The following GALNT18 variants were observed in gnomAD, a reference collection of about 807,000 sequenced individuals.
GALNT18 encodes the protein GalNAc-transferase 18.
GALNT18 carries 44 observed loss-of-function variants against 69.5 expected under a neutral mutation model. The ratio of observed to expected loss-of-function variants is 0.63; its 90% CI spans 0.50 to 0.81. The LOEUF (loss-of-function observed/expected upper bound fraction) is 0.81. GALNT18 is among the 40% of genes least tolerant of loss of function. GALNT18 has a pLI of 0.00. For missense variants in GALNT18, 715 were observed against 810.0 expected (o/e 0.88, Z 1.42); for synonymous variants, 364 against 318.2 (o/e 1.14, Z -1.53).
chr11:11,366,367 G>T (rs1034365450), intron 6 of GALNT18, among the ~76,000 whole-genome samples: 1 of 152,130 alleles, frequency 6.6e-6, no homozygotes, highest in East Asian at 1.9e-4. Context: ...TAAAATGTGT[G>T]GTAGTATTTT....
At chr11:11,514,676 C>A (rs1277528216) in intron 1 of GALNT18, among the ~76,000 whole-genome samples, 1 of 152,218 alleles carries the variant, frequency 6.6e-6, no homozygotes, top group East Asian at 1.9e-4. Flanking sequence ...GGCCTGCCAG[C>A]TGACCTGTGC....
chr11:11,583,513 A>G lies in GALNT18; in HGVS notation c.235+37846T>C, dbSNP rs1565026487. The stretch of plus-strand genomic sequence containing the variant: ...CTGTTTCTGGCTGGAAAGTGCACGA[A>G]AGCTGAGTTTAATCAATAAATAAGA... On this transcript the variant is annotated intron_variant, in intron 1 of 10. Transcript: ENST00000227756. The surrounding 1 kb of genome is among the most constrained non-coding windows in gnomAD (Gnocchi z 4.7). 6.6e-6 allele frequency among the ~76,000 whole-genome samples: 1 copy of G among 152,200 alleles called. No homozygotes were observed. The highest frequency in any genetic ancestry group is 1.5e-5 in the Non-Finnish European group (1 of 68,034).
rs1850541970 is a variant in GALNT18 at position 11,356,978 on chromosome 11, G to A, written c.1092+15537C>T. ...AAGAGTCACTCCACGGCTGGCTGGT[G>A]TGCTAGGGGATAACACGCAATAGCC... is the stretch of plus-strand genomic sequence containing the variant. On this transcript the variant is annotated intron_variant, in intron 6 of 10. Transcript: ENST00000227756. This position sits in a 1 kb window ranked among gnomAD's most constrained non-coding sequence, Gnocchi z 4.4. Among the ~76,000 whole-genome samples the A allele has an allele frequency of 6.6e-6, 1 of 152,180 alleles. No homozygotes were observed. Among genetic ancestry groups the A allele is most frequent in the Non-Finnish European group, 1.5e-5 (1 of 68,036 alleles).
chr11:11,422,889 A>G, intron 3 of GALNT18, among the ~76,000 whole-genome samples: 1 of 152,152 alleles, frequency 6.6e-6, no homozygotes, highest in South Asian at 2.1e-4. Context: ...AATGATTCAC[A>G]GTTGTGCAAT....
rs899207956 is a variant in GALNT18 at position 11,415,967 on chromosome 11, G to A, written c.595+16654C>T. ...AACAGCAACCTTGAATGTTCTTTTC[G>A]GAGAAAATAAAATCACTTCAGCCTC... On this transcript the variant is annotated intron_variant, in intron 3 of 10. Coordinates refer to ENST00000227756, the MANE Select transcript of GALNT18 (RefSeq NM_198516.3). The surrounding 1 kb of genome is among the most constrained non-coding windows in gnomAD (Gnocchi z 4.1). Among the ~76,000 whole-genome samples the A allele has an allele frequency of 1.3e-5, 2 of 152,190 alleles. No individual in the cohort carries two copies. The highest frequency in any genetic ancestry group is 2.9e-5 in the Non-Finnish European group (2 of 68,038).
At chr11:11,428,697 T>G (rs1197147402) in intron 3 of GALNT18, among the ~76,000 whole-genome samples, 1 of 152,244 alleles carries the variant, frequency 6.6e-6, no homozygotes, top group East Asian at 1.9e-4. Flanking sequence ...GGGCCCTGAA[T>G]TTCTTTAAAG....
In GALNT18 at chr11:11,337,379, A is replaced by G. The variant is rs1048108611; in HGVS notation, c.1278+3440T>C. On this transcript the variant is annotated intron_variant, in intron 7 of 10. Coordinates refer to ENST00000227756, the MANE Select transcript of GALNT18 (RefSeq NM_198516.3). The surrounding 1 kb of genome is among the most constrained non-coding windows in gnomAD (Gnocchi z 4.9). ...TCTGTCCTCAGAGAGCCCATGGTGT[A>G]TTGTGGTGGTTCTCAGTGGTTCTGA... Among the ~76,000 whole-genome samples, 2 of 152,152 alleles carry G rather than the reference A, an allele frequency of 1.3e-5. No homozygotes were observed. Among genetic ancestry groups the G allele is most frequent in the African/African-American group, 4.8e-5 (2 of 41,432 alleles).
rs1850162030 is a variant in GALNT18, at chr11:11,339,288, C to G, written c.1278+1531G>C. ...CACCTTGAGGAGTCGCAGACAGACA[C>G]TGAATTTCATCATTTTTCAATTATT... On this transcript the variant is annotated intron_variant, in intron 7 of 10. Coordinates refer to ENST00000227756, the MANE Select transcript of GALNT18 (RefSeq NM_198516.3). The surrounding 1 kb of genome is among the most constrained non-coding windows in gnomAD (Gnocchi z 5.2). Among the ~76,000 whole-genome samples, 1 of 152,148 alleles carries G rather than the reference C, an allele frequency of 6.6e-6. No homozygotes were observed. Among genetic ancestry groups the G allele is most frequent in the Admixed American group, 6.5e-5 (1 of 15,278 alleles).
At chr11:11,445,965 G>A (rs1284685327) in intron 2 of GALNT18, among the ~76,000 whole-genome samples, 1 of 152,168 alleles carries the variant, frequency 6.6e-6, no homozygotes, top group Admixed American at 6.5e-5. Context: ...TCCCACAGGT[G>A]AGAGTGGGTG....
intron 3 of GALNT18, among the ~76,000 whole-genome samples, chr11:11,384,527 G>A (rs1482333868): frequency 1.3e-5 from 2 of 152,110 alleles, no homozygotes; most frequent in Non-Finnish European, 2.9e-5. Context: ...ACTCACCTCT[G>A]AAAAGGCCAC....
chr11:11,486,604 C>T (rs991265945), intron 1 of GALNT18, among the ~76,000 whole-genome samples: 10 of 152,258 alleles, frequency 6.6e-5, no homozygotes, highest in African/African-American at 2.4e-4. Flanking sequence ...TACATCCATA[C>T]TGACATTTAA....
At chr11:11,585,812 T>G (rs1859206098) in intron 1 of GALNT18, among the ~76,000 whole-genome samples, 2 of 151,082 alleles carry the variant, frequency 1.3e-5, no homozygotes, top group Non-Finnish European at 3.0e-5. Flanking sequence ...TTTTTTTTTT[T>G]TTTTTTTTTT....
At chr11:11,326,598 A>T (rs1849924069) in intron 9 of GALNT18, among the ~76,000 whole-genome samples, 1 of 152,188 alleles carries the variant, frequency 6.6e-6, no homozygotes. Context: ...AGAAGGTCAG[A>T]AGAAGAGCTG....
At position 11,332,937 on chromosome 11, in the gene GALNT18, TG is replaced by T. The variant is rs2133049526; in HGVS notation, c.1279-107del. On this transcript the variant is annotated intron_variant, in intron 7 of 10. Transcript: ENST00000227756. This position sits in a 1 kb window ranked among gnomAD's most constrained non-coding sequence, Gnocchi z 4.3. ...TGCCCCCAACAAGATTCCTAGAGAC[TG>T]GGGAAGGGACCATGTGGCACGTTAA... 7.9e-7 allele frequency: 1 copy of T among 1,261,842 alleles called. No individual in the cohort carries two copies. The highest frequency in any genetic ancestry group is 1.1e-6 in the Non-Finnish European group (1 of 887,120). 78.2% of individuals were successfully genotyped at this position (1,261,842 alleles called of 1,614,324 possible). A position where few individuals can be genotyped will look rare whatever the true frequency, so the allele number is the denominator to read the frequency against.
rs565141815 is a variant in GALNT18, at chr11:11,435,840, G to A, written c.429-3053C>T. Reference sequence around the variant, plus strand: ...GTTCTCCCATCCTCCCTCCTCTTGCGTGAATGGCCCCAATTCCTCACATTC... The same window carrying A: ...GTTCTCCCATCCTCCCTCCTCTTGCATGAATGGCCCCAATTCCTCACATTC... On this transcript the variant is annotated intron_variant, in intron 2 of 10. Coordinates refer to ENST00000227756, the MANE Select transcript of GALNT18 (RefSeq NM_198516.3). The surrounding 1 kb of genome is among the most constrained non-coding windows in gnomAD (Gnocchi z 4.4). 3.8e-4 allele frequency among the ~76,000 whole-genome samples: 58 copies of A among 152,208 alleles called. No individual in the cohort carries two copies. Among genetic ancestry groups the A allele is most frequent in the African/African-American group, 1.3e-3 (55 of 41,508 alleles).
At chr11:11,329,163 G>C (rs1027806537) in intron 8 of GALNT18, among the ~76,000 whole-genome samples, 2 of 152,130 alleles carry the variant, frequency 1.3e-5, no homozygotes, top group Non-Finnish European at 2.9e-5. Context: ...GCTGTTATGA[G>C]GATTAAGTGA....
At position 11,300,624 on chromosome 11, in the gene GALNT18, C is replaced by T. The variant is rs1003755803; in HGVS notation, c.1513-7431G>A. Among the ~76,000 whole-genome samples the T allele has an allele frequency of 3.9e-5, 6 of 152,088 alleles. No homozygotes were observed. The South Asian group carries it at 6.2e-4, about 16-fold the overall frequency. ...ATAATGGGGTGATTGCAAACTTTTACGATTGGACGGTTGGCAAAGGTCATT... is the reference window on the plus strand; with the variant it reads ...ATAATGGGGTGATTGCAAACTTTTATGATTGGACGGTTGGCAAAGGTCATT... On this transcript the variant is annotated intron_variant, in intron 9 of 10. Transcript: ENST00000227756.
rs79993657 is a variant in GALNT18, at chr11:11,506,633, T to C, written c.236-57697A>G. On this transcript the variant is annotated intron_variant, in intron 1 of 10. Coordinates refer to ENST00000227756, the MANE Select transcript of GALNT18 (RefSeq NM_198516.3). ...CTATTTTCTGGTAGAAAGTGGGGTA[T>C]TTGTCTTAGGTTAATTTTAAAAGGA... Among the ~76,000 whole-genome samples the C allele has an allele frequency of 4.0e-3, 605 of 152,316 alleles. 6 individuals carry two copies. The highest frequency in any genetic ancestry group is 0.014 in the African/African-American group (580 of 41,564).
At chr11:11,352,866 A>G in intron 6 of GALNT18, 1 of 1,614,178 alleles carries the variant, frequency 6.2e-7, no homozygotes, top group East Asian at 2.2e-5. Context: ...CAAATTCTCC[A>G]AAATCTTTAT....
Sources: gnomAD v4.1 joint callset for allele counts (sites outside exome capture counted in the v4.1 genomes callset) on GRCh38, gnomAD v4.1.1 for gene constraint, Gnocchi (gnomAD v3.1) non-coding constraint, MANE v1.5 for transcripts, NCBI Gene and HGNC (gene_info 2026-07-23, HGNC 2026-07-21) for gene names.